Variants in ASIC2 observed in about 807,000 individuals in gnomAD.
ASIC2 encodes acid-sensing ion channel 2.
In ASIC2, 25 loss-of-function variants were observed where a neutral mutation model predicts 57.3. That is an observed-to-expected ratio of 0.44 (90% CI 0.32 to 0.61). The LOEUF is 0.61. ASIC2 is among the 20% of genes least tolerant of loss of function. ASIC2 has a pLI of 0.06. For missense variants in ASIC2, 641 were observed against 738.1 expected (o/e 0.87, Z 1.52); for synonymous variants, 319 against 307.5 (o/e 1.04, Z -0.39).
At chr17:34,075,734 C>T (rs1002667815) in intron 1 of ASIC2, among the ~76,000 whole-genome samples, 1 of 152,066 alleles carries the variant, frequency 6.6e-6, no homozygotes. Context: ...GTCACACAGC[C>T]TCCTTAGAGC....
At chr17:34,056,962 CAA>C (rs1157936203) in intron 1 of ASIC2, among the ~76,000 whole-genome samples, 3 of 152,206 alleles carry the variant, frequency 2.0e-5, no homozygotes, top group Non-Finnish European at 2.9e-5. Flanking sequence ...GGGGAAATGT[CAA>C]AGAGTGGATT....
chr17:34,102,666 A>G (rs1910908112), intron 1 of ASIC2, among the ~76,000 whole-genome samples: 2 of 152,186 alleles, frequency 1.3e-5, no homozygotes, highest in African/African-American at 4.8e-5. Context: ...CTTACTTTCT[A>G]CTGCTAAGTA....
At chr17:33,044,763 C>G (rs2091945609) in intron 3 of ASIC2, among the ~76,000 whole-genome samples, 1 of 152,188 alleles carries the variant, frequency 6.6e-6, no homozygotes, top group Non-Finnish European at 1.5e-5. Flanking sequence ...GGGGTTTAGT[C>G]TAAAAGAACA....
At chr17:33,377,764 C>T (rs954628162) in intron 1 of ASIC2, among the ~76,000 whole-genome samples, 1 of 152,226 alleles carries the variant, frequency 6.6e-6, no homozygotes, top group African/African-American at 2.4e-5. Context: ...GCTCCTCTGA[C>T]CTTCATCTCC....
chr17:33,632,884 T>G (rs1906220213), intron 1 of ASIC2, among the ~76,000 whole-genome samples: 1 of 152,166 alleles, frequency 6.6e-6, no homozygotes, highest in African/African-American at 2.4e-5. Context: ...GTGCCAAGAG[T>G]TCTCTGTAAG....
intron 1 of ASIC2, among the ~76,000 whole-genome samples, chr17:34,011,350 G>A (rs1017668173): frequency 5.3e-5 from 8 of 151,880 alleles, no homozygotes; most frequent in African/African-American, 9.7e-5. Flanking sequence ...TATTTTTTTG[G>A]GCTCAGGTCA....
intron 1 of ASIC2, among the ~76,000 whole-genome samples, chr17:34,138,125 G>A (rs1397707175): frequency 1.3e-5 from 2 of 152,120 alleles, no homozygotes; most frequent in Non-Finnish European, 2.9e-5. Context: ...CACCTAGAAA[G>A]GCAGAATAGG....
intron 1 of ASIC2, chr17:34,118,419 A>G (rs1911493424): frequency 6.6e-6 from 1 of 152,136 alleles, no homozygotes; most frequent in Non-Finnish European, 1.5e-5. Flanking sequence ...TATTGATCAG[A>G]GAAGGAAACA....
At chr17:33,270,022 G>T (rs956573748) in intron 1 of ASIC2, among the ~76,000 whole-genome samples, 6 of 152,186 alleles carry the variant, frequency 3.9e-5, no homozygotes, top group Non-Finnish European at 5.9e-5. Context: ...AATGAGGGAA[G>T]CCTCCTGGGC....
intron 1 of ASIC2, among the ~76,000 whole-genome samples, chr17:33,201,902 C>G (rs547820241): frequency 5.3e-4 from 81 of 151,550 alleles, no homozygotes; most frequent in African/African-American, 1.8e-3. Context: ...CATGGTGATG[C>G]ATGCCCATGG....
chr17:33,966,919 C>T (rs1417752385), intron 1 of ASIC2, among the ~76,000 whole-genome samples: 1 of 152,146 alleles, frequency 6.6e-6, no homozygotes, highest in Non-Finnish European at 1.5e-5. Context: ...CCGCACCCAC[C>T]CCAGTCTTCC....
chr17:33,440,480 C>G (rs1413998965), intron 1 of ASIC2, among the ~76,000 whole-genome samples: 1 of 152,176 alleles, frequency 6.6e-6, no homozygotes, highest in Non-Finnish European at 1.5e-5. Flanking sequence ...TGGGTAGATA[C>G]CTAGAAATTG....
intron 1 of ASIC2, among the ~76,000 whole-genome samples, chr17:33,190,964 C>G (rs1906392696): frequency 6.6e-6 from 1 of 152,162 alleles, no homozygotes; most frequent in Admixed American, 6.5e-5. Flanking sequence ...CTACCCATTC[C>G]ACTTGTTAAG....
intron 1 of ASIC2, among the ~76,000 whole-genome samples, chr17:33,384,672 G>A (rs1385256673): frequency 6.6e-6 from 1 of 152,220 alleles, no homozygotes; most frequent in Non-Finnish European, 1.5e-5. Flanking sequence ...GACCTTGGAA[G>A]AAGGACGTGT....
chr17:33,594,083 T>G (rs1205523533), intron 1 of ASIC2, among the ~76,000 whole-genome samples: 5 of 152,264 alleles, frequency 3.3e-5, no homozygotes, highest in African/African-American at 1.2e-4. Flanking sequence ...GCAAGTCATC[T>G]TGCTAGATCT....
In ASIC2 at chr17:33,185,844, TAA is replaced by T. The variant is rs377286221; in HGVS notation, c.709-73779_709-73778del. ...CAGCCAGAGTGGAACAGCTTTGTAATAAACACTCCAGGCTTCGGGTAGAGTGC... is the reference window on the plus strand; with the variant it reads ...CAGCCAGAGTGGAACAGCTTTGTAATACACTCCAGGCTTCGGGTAGAGTGC... On this transcript the variant is annotated intron_variant, in intron 1 of 9. Transcript: ENST00000225823. Among the ~76,000 whole-genome samples, 131 of 152,262 alleles carry T rather than the reference TAA, an allele frequency of 8.6e-4. 1 individual carries two copies. The East Asian group carries it at 0.015, about 17-fold the overall frequency.
intron 1 of ASIC2, chr17:34,038,192 T>C (rs552554729): frequency 1.9e-6 from 3 of 1,612,596 alleles, no homozygotes; most frequent in African/African-American, 1.3e-5. Flanking sequence ...AGGTTTTATT[T>C]CATTTAAGTA....
rs543401783 is a variant in ASIC2, at chr17:34,012,199, G to A, written c.555+143779C>T. 2.0e-5 allele frequency among the ~76,000 whole-genome samples: 3 copies of A among 152,112 alleles called. No homozygotes were observed. The South Asian group carries it at 6.2e-4, about 32-fold the overall frequency. The stretch of plus-strand genomic sequence containing the variant: ...GGAAACCTGAACACCTCATTGATGA[G>A]AAACTCCAGGCCCCCGAACCACCAT... On this transcript the variant is annotated intron_variant, in intron 1 of 9. Transcript: ENST00000359872.
intron 1 of ASIC2, among the ~76,000 whole-genome samples, chr17:33,933,992 T>C (rs775377321): frequency 2.0e-5 from 3 of 152,358 alleles, no homozygotes; most frequent in Non-Finnish European, 4.4e-5. Context: ...AGAACGTATT[T>C]GATTCTTTCG....
Sources: gnomAD v4.1 joint callset for allele counts (sites outside exome capture counted in the v4.1 genomes callset) on GRCh38, gnomAD v4.1.1 for gene constraint, MANE v1.5 for transcripts, NCBI Gene and HGNC (gene_info 2026-07-23, HGNC 2026-07-21) for gene names.